Variants in WDR72 observed in about 807,000 individuals in gnomAD.
WDR72 encodes the protein WD repeat domain 72.
A neutral mutation model predicts 124.2 loss-of-function variants in WDR72; 120 were observed. The ratio of observed to expected loss-of-function variants is 0.97; its 90% CI spans 0.83 to 1.12. The LOEUF (loss-of-function observed/expected upper bound fraction) is 1.12, where lower values mean the gene tolerates loss of function less well. Among genes scored for constraint, WDR72 ranks in the 50% most tolerant of loss-of-function variants. The pLI is 0.00. For synonymous variants in WDR72, 452 were observed against 441.7 expected, an observed-to-expected ratio of 1.02 and a Z score of -0.29; for missense variants, 1,387 against 1,278.8, an observed-to-expected ratio of 1.08 and a Z score of -1.29.
chr15:53,518,984 CACTT>C (rs774422348), intron 19 of WDR72, among the ~76,000 whole-genome samples: 39 of 152,166 alleles, frequency 2.6e-4, no homozygotes, highest in African/African-American at 4.3e-4. Context: ...GATGTGGAAA[CACTT>C]ACGTAAATGC....
At chr15:53,552,703 G>C (rs550665964) in intron 18 of WDR72, among the ~76,000 whole-genome samples, 3 of 152,130 alleles carry the variant, frequency 2.0e-5, no homozygotes, top group Non-Finnish European at 4.4e-5. Context: ...TGAAAAACCT[G>C]TATCATATAG....
At chr15:53,700,029 T>TA (rs1203602527) in intron 12 of WDR72, 84 bp from the exon 13 acceptor site, 1 of 1,546,174 alleles carries the variant, frequency 6.5e-7, no homozygotes, top group African/African-American at 1.4e-5. Flanking sequence ...CCCAGTAACA[T>TA]AAAAAAGTTT....
At chr15:53,657,076 AAC>A (rs1313367738) in intron 14 of WDR72, among the ~76,000 whole-genome samples, 2 of 151,980 alleles carry the variant, frequency 1.3e-5, no homozygotes, top group African/African-American at 2.4e-5. Context: ...CATCCTGGCT[AAC>A]ACAGTGAAAC....
chr15:53,615,936 A>T lies in WDR72; in HGVS notation c.2270T>A (p.Ile757Asn), dbSNP rs987924773. Residue 757 changes from isoleucine to asparagine, a missense_variant, in exon 15 of 20, where the codon ATC becomes AAC. Transcript: ENST00000360509. ...GCCATCATTTTCTTCTGAGAATTTG[A>T]TGGTATTATCTCCTTGGGCCAGGCT... ...TESLAQGDNT[I>N]KFSEENDGIK... 3 of 1,613,274 alleles carry T rather than the reference A, an allele frequency of 1.9e-6. No homozygotes were observed. The highest frequency in any genetic ancestry group is 2.5e-6 in the Non-Finnish European group (3 of 1,179,638).
intron 13 of WDR72, among the ~76,000 whole-genome samples, chr15:53,683,063 A>C: frequency 6.6e-6 from 1 of 152,104 alleles, no homozygotes; most frequent in Non-Finnish European, 1.5e-5. Context: ...AAATACTTTT[A>C]AAACCATTAG....
Position 53,586,807 on chromosome 15 carries a change from C to G in WDR72, c.3148+10272G>C, listed in dbSNP as rs553312390. Among the ~76,000 whole-genome samples the G allele has an allele frequency of 2.0e-5, 3 of 152,082 alleles. No homozygotes were observed. The East Asian group carries it at 5.8e-4, about 30-fold the overall frequency. ...CATGGACTGGGAAGTGCTATAATAC[C>G]TAAAGGGTACACAAGGGAAAAAGCA... On this transcript the variant is annotated intron_variant, in intron 18 of 19. Transcript: ENST00000360509.
intron 14 of WDR72, among the ~76,000 whole-genome samples, chr15:53,660,217 TC>T (rs555119586): frequency 0.028 from 3,848 of 139,304 alleles, 188 homozygotes; most frequent in African/African-American, 0.13. Flanking sequence ...AAATATTTGT[TC>T]TTTTTTTATA....
At chr15:53,702,490 G>A (rs1005579806) in intron 11 of WDR72, 136 bp from the exon 12 acceptor site, 1 of 708,506 alleles carries the variant, frequency 1.4e-6, no homozygotes, top group Admixed American at 2.5e-5. Flanking sequence ...GAAAACTAGT[G>A]AACATCCTTA....
chr15:53,675,860 G>T (rs180949464), intron 13 of WDR72, among the ~76,000 whole-genome samples: 1 of 152,204 alleles, frequency 6.6e-6, no homozygotes, highest in Admixed American at 6.5e-5. Context: ...TCCTATGAGA[G>T]TTATTTTGGT....
intron 18 of WDR72, among the ~76,000 whole-genome samples, chr15:53,562,910 C>T (rs182480425): frequency 1.1e-3 from 163 of 151,848 alleles, no homozygotes; most frequent in Non-Finnish European, 8.6e-4. Context: ...GTCTTCTATG[C>T]CTTGTGTTCT....
chr15:53,605,790 G>GGCTGCAGTGAGCCGAGATCATGCC (rs1430104701), intron 17 of WDR72, among the ~76,000 whole-genome samples: 9 of 152,090 alleles, frequency 5.9e-5, no homozygotes, highest in Non-Finnish European at 1.5e-5. Context: ...GGGAGACGGA[G>GGCTGCAGTGAGCCGAGATCATGCC]GCTGCAGTGA....
chr15:53,535,788 C>A (rs765914423), intron 18 of WDR72, among the ~76,000 whole-genome samples: 3 of 152,144 alleles, frequency 2.0e-5, no homozygotes, highest in Non-Finnish European at 4.4e-5. Flanking sequence ...TCATTTTGTA[C>A]AGCAGAATCT....
chr15:53,685,810 G>C (rs952316509), intron 13 of WDR72, among the ~76,000 whole-genome samples: 26 of 145,866 alleles, frequency 1.8e-4, no homozygotes, highest in Non-Finnish European at 3.1e-4. Context: ...CAGCCAGAGA[G>C]AAAGGTCGGG....
intron 7 of WDR72, among the ~76,000 whole-genome samples, 153 bp from the exon 8 acceptor site, chr15:53,711,634 C>T (rs1301321648): frequency 6.6e-6 from 1 of 152,078 alleles, no homozygotes; most frequent in East Asian, 1.9e-4. Context: ...TTTACCATGA[C>T]TTATTGACTT....
intron 14 of WDR72, among the ~76,000 whole-genome samples, chr15:53,660,398 G>C (rs2015569440): frequency 6.6e-6 from 1 of 151,920 alleles, no homozygotes; most frequent in African/African-American, 2.4e-5. Context: ...TATTTTTTGT[G>C]TCATAAAATA....
chr15:53,750,397 T>A (rs1306418565), intron 1 of WDR72, among the ~76,000 whole-genome samples: 10 of 151,902 alleles, frequency 6.6e-5, no homozygotes, highest in African/African-American at 2.4e-5. Flanking sequence ...TCAGAAAAAA[T>A]AAAAAAATCC....
intron 17 of WDR72, among the ~76,000 whole-genome samples, chr15:53,602,058 C>T (rs567051749): frequency 2.6e-5 from 4 of 152,210 alleles, no homozygotes; most frequent in African/African-American, 9.6e-5. Context: ...CACCACAGGA[C>T]ACCTATTCTA....
chr15:53,556,884 A>G (rs1893953137), intron 18 of WDR72, among the ~76,000 whole-genome samples: 1 of 152,126 alleles, frequency 6.6e-6, no homozygotes, highest in Admixed American at 6.6e-5. Context: ...TATATAATCC[A>G]TGTTACATGT....
chr15:53,751,117 C>G (rs1363944400), intron 1 of WDR72, among the ~76,000 whole-genome samples: 2 of 152,044 alleles, frequency 1.3e-5, no homozygotes, highest in Non-Finnish European at 2.9e-5. Flanking sequence ...AGTAATCTTT[C>G]ACAAAAGGTC....
Sources: allele counts gnomAD v4.1 joint callset (sites outside exome capture counted in the v4.1 genomes callset), GRCh38; gene constraint gnomAD v4.1.1; transcripts MANE v1.5; gene names NCBI Gene and HGNC (gene_info 2026-07-23, HGNC 2026-07-21).